DAGLA: variants seen among roughly 807,000 people sequenced by gnomAD.
DAGLA encodes diacylglycerol lipase-alpha.
A neutral mutation model predicts 102.6 loss-of-function variants in DAGLA; 22 were observed. The ratio of observed to expected loss-of-function variants is 0.21; its 90% CI spans 0.15 to 0.31. The LOEUF is 0.31. Among genes scored for constraint, DAGLA ranks in the 10% least tolerant of loss-of-function variants. DAGLA has a pLI of 1.00. For synonymous variants in DAGLA, 578 were observed against 628.9 expected (o/e 0.92, Z 1.21); for missense variants, 927 against 1,446.6 (o/e 0.64, Z 5.83).
intron 1 of DAGLA, among the ~76,000 whole-genome samples, chr11:61,685,065 AC>A (rs1223562728): frequency 6.6e-6 from 1 of 151,890 alleles, no homozygotes. Flanking sequence ...TCCTTGAACC[AC>A]CTGGAAGTCA....
intron 1 of DAGLA, among the ~76,000 whole-genome samples, chr11:61,690,872 C>T (rs1190497135): frequency 6.6e-6 from 1 of 152,196 alleles, no homozygotes; most frequent in African/African-American, 2.4e-5. Context: ...CCGCTCCCCA[C>T]ATGTAGACCC....
chr11:61,739,740 C>G (rs924883437), intron 17 of DAGLA, 79 bp downstream of exon 17: 1 of 1,430,564 alleles, frequency 7.0e-7, no homozygotes, highest in East Asian at 2.5e-5. Context: ...GGCCTTGGCT[C>G]AATCACCGCT....
intron 8 of DAGLA, among the ~76,000 whole-genome samples, chr11:61,729,955 C>T (rs1221399338): frequency 1.3e-5 from 2 of 151,816 alleles, no homozygotes; most frequent in African/African-American, 4.8e-5. Context: ...TGCCTGTGAC[C>T]CCAGCTACTT....
At chr11:61,725,017 C>T (rs559589204) in intron 5 of DAGLA, among the ~76,000 whole-genome samples, 14 of 152,136 alleles carry the variant, frequency 9.2e-5, no homozygotes, top group African/African-American at 3.4e-4. Context: ...CACGGAGGAG[C>T]CAAGAGGCTC....
chr11:61,731,456 C>T lies in DAGLA; in HGVS notation c.974+15C>T, dbSNP rs1328536607. ...CGGTCCTGCTCGTGAGTACCCCTGT[C>T]CCATCCCCCAGCGATTGCACCTCTC... On this transcript the variant is annotated intron_variant, in intron 9 of 19. Transcript: ENST00000257215. 1 of 1,612,366 alleles carries T rather than the reference C, an allele frequency of 6.2e-7. No homozygotes were observed.
chr11:61,740,395 G>A, intron 17 of DAGLA, 68 bp from the exon 18 acceptor site: 1 of 1,572,378 alleles, frequency 6.4e-7, no homozygotes, highest in South Asian at 1.2e-5. Context: ...ACAGAGCCAG[G>A]AGGCCCTGGC....
At chr11:61,740,651 C>T in intron 18 of DAGLA, 59 bp downstream of exon 18, 1 of 1,590,318 alleles carries the variant, frequency 6.3e-7, no homozygotes, top group Middle Eastern at 1.7e-4. Context: ...CCCATCAGAA[C>T]CCCGTAAGCA....
At chr11:61,698,732 C>T (rs1314328398) in intron 1 of DAGLA, among the ~76,000 whole-genome samples, 3 of 152,202 alleles carry the variant, frequency 2.0e-5, no homozygotes, top group Non-Finnish European at 2.9e-5. Context: ...AGGCACCAGG[C>T]GTGGTGCTGG....
intron 6 of DAGLA, 127 bp downstream of exon 6, chr11:61,726,209 G>A (rs974614844): frequency 2.4e-5 from 20 of 838,080 alleles, no homozygotes; most frequent in Non-Finnish European, 3.0e-5. Context: ...TCCAGCGTGA[G>A]CAAGTATGGC....
intron 8 of DAGLA, 117 bp downstream of exon 8, chr11:61,729,125 G>T: frequency 1.1e-6 from 1 of 877,834 alleles, no homozygotes. Context: ...GCCCCTGCCC[G>T]GTCTCCCCCC....
At chr11:61,704,698 C>T (rs906544398) in intron 1 of DAGLA, among the ~76,000 whole-genome samples, 3 of 152,074 alleles carry the variant, frequency 2.0e-5, no homozygotes, top group East Asian at 1.9e-4. Context: ...GTTTGTGAGG[C>T]GTTCACTTTG....
intron 8 of DAGLA, 23 bp downstream of exon 8, chr11:61,729,031 C>A: frequency 6.2e-7 from 1 of 1,601,440 alleles, no homozygotes; most frequent in Non-Finnish European, 8.6e-7. Context: ...TCAACTCTCA[C>A]CCCACCCCGT....
At chr11:61,691,193 G>C (rs527790017) in intron 1 of DAGLA, among the ~76,000 whole-genome samples, 1 of 152,206 alleles carries the variant, frequency 6.6e-6, no homozygotes, top group Non-Finnish European at 1.5e-5. Context: ...ACAAAGCTGG[G>C]CACCCAGCCC....
At chr11:61,716,690 C>T (rs1478923807) in intron 1 of DAGLA, among the ~76,000 whole-genome samples, 1 of 152,148 alleles carries the variant, frequency 6.6e-6, no homozygotes. Context: ...GCCCGAGGGG[C>T]TTGGACTTTG....
chr11:61,692,349 A>G (rs1376430678), intron 1 of DAGLA, among the ~76,000 whole-genome samples: 2 of 152,274 alleles, frequency 1.3e-5, no homozygotes, highest in African/African-American at 4.8e-5. Flanking sequence ...GCCAGGACTC[A>G]TCCTTCAGAG....
At chr11:61,698,014 G>A (rs1294886654) in intron 1 of DAGLA, among the ~76,000 whole-genome samples, 1 of 152,368 alleles carries the variant, frequency 6.6e-6, no homozygotes, top group Non-Finnish European at 1.5e-5. Flanking sequence ...CTGGCAGCTA[G>A]TTGGGCTCTC....
intron 1 of DAGLA, among the ~76,000 whole-genome samples, chr11:61,688,082 C>T (rs914443823): frequency 2.0e-5 from 3 of 151,964 alleles, no homozygotes; most frequent in African/African-American, 7.3e-5. Flanking sequence ...TTTGGGAGAC[C>T]GAGGCGGGCG....
In DAGLA at chr11:61,741,364, C is replaced by T; in HGVS notation, c.2171+15C>T. 1 of 1,598,782 alleles carries T rather than the reference C, an allele frequency of 6.3e-7. No homozygotes were observed. Among genetic ancestry groups the T allele is most frequent in the African/African-American group, 1.3e-5 (1 of 74,926 alleles). On this transcript the variant is annotated intron_variant, in intron 19 of 19. Coordinates refer to ENST00000257215, the MANE Select transcript of DAGLA (RefSeq NM_006133.3). The stretch of plus-strand genomic sequence containing the variant: ...AGCAGCGTCAGGTGAGCCTTGGCCA[C>T]TCCCAGCCCCACCCCAGGGTGAGTG...
At chr11:61,699,839 G>C (rs546400758) in intron 1 of DAGLA, among the ~76,000 whole-genome samples, 1 of 152,208 alleles carries the variant, frequency 6.6e-6, no homozygotes, top group African/African-American at 2.4e-5. Flanking sequence ...GAGGCCCTCC[G>C]TGTTTGCTTT....
Sources: gnomAD v4.1 joint callset for allele counts (sites outside exome capture counted in the v4.1 genomes callset) on GRCh38, gnomAD v4.1.1 for gene constraint, MANE v1.5 for transcripts, NCBI Gene and HGNC (gene_info 2026-07-23, HGNC 2026-07-21) for gene names.